Variants in NUMB observed in about 807,000 individuals in gnomAD.
NUMB encodes the protein NUMB endocytic adaptor protein, also known as protein numb homolog.
In NUMB, 29 loss-of-function variants were observed where a neutral mutation model predicts 59.7. The ratio of observed to expected loss-of-function variants is 0.49; its 90% CI spans 0.36 to 0.66. The LOEUF (loss-of-function observed/expected upper bound fraction) is 0.66, where lower values mean the gene tolerates loss of function less well. NUMB is among the 30% of genes least tolerant of loss of function. NUMB has a pLI of 0.00. For missense variants in NUMB, 723 were observed against 822.0 expected, an observed-to-expected ratio of 0.88 and a Z score of 1.47; for synonymous variants, 288 against 288.2, an observed-to-expected ratio of 1.00 and a Z score of 0.01.
chr14:73,380,911 C>T (rs540816282), intron 2 of NUMB, among the ~76,000 whole-genome samples: 15 of 152,058 alleles, frequency 9.9e-5, no homozygotes, highest in South Asian at 4.2e-4. Context: ...TTAGTAGAGA[C>T]GTGGTTTCAC....
At chr14:73,449,980 G>A (rs1204926750) in intron 1 of NUMB, among the ~76,000 whole-genome samples, 1 of 152,178 alleles carries the variant, frequency 6.6e-6, no homozygotes, top group Non-Finnish European at 1.5e-5. Flanking sequence ...GAGCCACCGC[G>A]CCCAGCCTTA....
intron 2 of NUMB, among the ~76,000 whole-genome samples, chr14:73,373,554 A>G (rs908764031): frequency 1.3e-5 from 2 of 152,194 alleles, no homozygotes; most frequent in Non-Finnish European, 2.9e-5. Context: ...AACAATAAAC[A>G]TAAGTAAATT....
chr14:73,287,538 T>G (rs1244108425), intron 8 of NUMB, among the ~76,000 whole-genome samples: 1 of 151,798 alleles, frequency 6.6e-6, no homozygotes, highest in Non-Finnish European at 1.5e-5. Flanking sequence ...CCACCACACC[T>G]GGCTAATTTT....
intron 1 of NUMB, among the ~76,000 whole-genome samples, chr14:73,437,727 A>G (rs1212282083): frequency 6.6e-6 from 1 of 152,252 alleles, no homozygotes; most frequent in Non-Finnish European, 1.5e-5. Context: ...CACATTTAAA[A>G]GCAGAAAGTA....
chr14:73,364,230 G>A (rs1050873466), intron 3 of NUMB, among the ~76,000 whole-genome samples: 2 of 152,180 alleles, frequency 1.3e-5, no homozygotes, highest in Admixed American at 1.3e-4. Context: ...GCCAGGCATG[G>A]TGGCTCAAGC....
chr14:73,423,359 C>T (rs1897436061), intron 1 of NUMB, among the ~76,000 whole-genome samples: 1 of 150,278 alleles, frequency 6.7e-6, no homozygotes, highest in Non-Finnish European at 1.5e-5. Context: ...AAAAAACAAG[C>T]TGGGCACAGT....
At chr14:73,430,150 T>C (rs771466244) in intron 1 of NUMB, among the ~76,000 whole-genome samples, 51 of 150,844 alleles carry the variant, frequency 3.4e-4, no homozygotes, top group Non-Finnish European at 6.6e-4. Context: ...ATATTTTATA[T>C]ATTTTAAATA....
chr14:73,377,651 C>CA (rs765812848), intron 2 of NUMB, among the ~76,000 whole-genome samples: 8 of 151,558 alleles, frequency 5.3e-5, no homozygotes, highest in Non-Finnish European at 1.0e-4. Context: ...AACAAACAAA[C>CA]AACAACAACA....
intron 6 of NUMB, among the ~76,000 whole-genome samples, chr14:73,313,617 G>A (rs191307439): frequency 2.1e-5 from 3 of 142,804 alleles, no homozygotes; most frequent in African/African-American, 5.3e-5. Context: ...TTTAGGCTTG[G>A]GTCTTATCCC....
In NUMB at chr14:73,355,680, C is replaced by T. The variant is rs768681925; in HGVS notation, c.72G>A (p.Gln24=). The change falls in exon 4 of 13, where the codon CAG becomes CAA. Residue 24 remains glutamine (Q), a synonymous_variant. Coordinates refer to ENST00000555238, the MANE Select transcript of NUMB (RefSeq NM_001005743.2). The part of the protein sequence containing the change: ...VYVPEASRPH[Q]WQTDEEGVRT... Reference sequence around the variant, plus strand: ...GAACGCCTTCTTCATCTGTCTGCCACTGATGTGGACGACTGGCCTCTGGAA... The same window carrying T: ...GAACGCCTTCTTCATCTGTCTGCCATTGATGTGGACGACTGGCCTCTGGAA... 6.2e-7 allele frequency: 1 copy of T among 1,613,940 alleles called. No individual in the cohort carries two copies. The highest frequency in any genetic ancestry group is 8.5e-7 in the Non-Finnish European group (1 of 1,179,890).
chr14:73,312,115 T>C (rs2139890324), intron 6 of NUMB, among the ~76,000 whole-genome samples: 1 of 152,238 alleles, frequency 6.6e-6, no homozygotes, highest in South Asian at 2.1e-4. Flanking sequence ...AAAAGAATTC[T>C]GGGTGCTGTG....
intron 7 of NUMB, among the ~76,000 whole-genome samples, chr14:73,293,171 T>C (rs926764367): frequency 2.6e-5 from 4 of 152,164 alleles, no homozygotes; most frequent in African/African-American, 9.7e-5. Flanking sequence ...TAAATCAGTA[T>C]CTTTAATCCT....
intron 4 of NUMB, among the ~76,000 whole-genome samples, chr14:73,351,992 TA>T (rs1893315348): frequency 6.6e-6 from 1 of 150,512 alleles, no homozygotes; most frequent in East Asian, 1.9e-4. Context: ...TAAAATAAAA[TA>T]AAAATAAAAT....
intron 3 of NUMB, among the ~76,000 whole-genome samples, chr14:73,357,890 CAAA>C (rs1555374390): frequency 6.4e-5 from 9 of 140,652 alleles, no homozygotes; most frequent in Non-Finnish European, 4.7e-5. Context: ...AGGCCCCCCC[CAAA>C]AAAAAAAAAA....
At chr14:73,357,752 G>A (rs1055363771) in intron 3 of NUMB, among the ~76,000 whole-genome samples, 12 of 152,072 alleles carry the variant, frequency 7.9e-5, no homozygotes, top group African/African-American at 2.9e-4. Flanking sequence ...AACAGAGCGA[G>A]ACTGTCTCAA....
intron 8 of NUMB, among the ~76,000 whole-genome samples, chr14:73,290,275 T>C (rs943051051): frequency 2.6e-5 from 4 of 152,218 alleles, no homozygotes; most frequent in Non-Finnish European, 5.9e-5. Context: ...TCAAAGCACC[T>C]GTGTCAAACC....
In NUMB at chr14:73,355,672, G is replaced by C. The variant is rs749239405; in HGVS notation, c.80C>G (p.Thr27Arg). The C allele has an allele frequency of 1.2e-6, 2 of 1,613,846 alleles. No homozygotes were observed. Among genetic ancestry groups the C allele is most frequent in the Admixed American group, 3.3e-5 (2 of 59,990 alleles). The change falls in exon 4 of 13, where the codon ACA becomes AGA. Residue 27 changes from threonine to arginine, a missense_variant. This residue lies in a region of NUMB where 317 missense variants were observed against 436.6 expected (regional missense o/e 0.73). Transcript: ENST00000555238. Reference protein sequence around the residue: ...PEASRPHQWQTDEEGVRTGKC... With the variant: ...PEASRPHQWQRDEEGVRTGKC... ...TCCGGTGCGAACGCCTTCTTCATCT[G>C]TCTGCCACTGATGTGGACGACTGGC... is the stretch of plus-strand genomic sequence containing the variant.
At chr14:73,446,629 C>T (rs1425461793) in intron 1 of NUMB, among the ~76,000 whole-genome samples, 1 of 148,344 alleles carries the variant, frequency 6.7e-6, no homozygotes, top group Non-Finnish European at 1.5e-5. Context: ...AAATCCTTAA[C>T]ATGACAAAAT....
intron 9 of NUMB, 63 bp downstream of exon 9, chr14:73,287,047 C>T: frequency 1.3e-6 from 2 of 1,511,816 alleles, no homozygotes; most frequent in Non-Finnish European, 1.8e-6. Flanking sequence ...CTGGTAGCTT[C>T]AAAATAATAC....
Sources: gnomAD v4.1 joint callset for allele counts (sites outside exome capture counted in the v4.1 genomes callset) on GRCh38, gnomAD v4.1.1 for gene constraint, gnomAD v4.1.1 regional missense constraint, MANE v1.5 for transcripts, NCBI Gene and HGNC (gene_info 2026-07-23, HGNC 2026-07-21) for gene names.